PCDHGA12: variants seen among roughly 807,000 people sequenced by gnomAD.
PCDHGA12 encodes the protein protocadherin gamma-A12.
In PCDHGA12, 43 loss-of-function variants were observed where a neutral mutation model predicts 61.1. The observed-to-expected ratio is 0.70, with a 90% CI of 0.55 to 0.91. PCDHGA12 has a LOEUF of 0.91. Ranked by LOEUF, PCDHGA12 falls within the 40% of genes least tolerant of loss-of-function variation. The pLI is 0.00. For missense variants in PCDHGA12, 1,236 were observed against 1,227.7 expected, an observed-to-expected ratio of 1.01 and a Z score of -0.10; for synonymous variants, 520 against 542.9, an observed-to-expected ratio of 0.96 and a Z score of 0.59.
intron 1 of PCDHGA12, among the ~76,000 whole-genome samples, chr5:141,492,539 G>A (rs1474928199): frequency 1.3e-5 from 2 of 152,200 alleles, no homozygotes; most frequent in African/African-American, 2.4e-5. Context: ...GCCCCGGGCT[G>A]GGCCGGGTCG....
chr5:141,477,697 T>G lies in PCDHGA12; in HGVS notation c.2425-17110T>G, dbSNP rs745625196. ...TGTCATCCTTAGTGCCCCTAGACTA[T>G]GAGGATCGGCGGGAATTTGAATTAA... On this transcript the variant is annotated intron_variant, in intron 1 of 3. Coordinates refer to ENST00000252085, the MANE Select transcript of PCDHGA12 (RefSeq NM_003735.3). The surrounding 1 kb of genome is among the most constrained non-coding windows in gnomAD (Gnocchi z 4.9). 6.2e-7 allele frequency: 1 copy of G among 1,614,160 alleles called. No homozygotes were observed. Among genetic ancestry groups the G allele is most frequent in the South Asian group, 1.1e-5 (1 of 91,090 alleles).
In PCDHGA12 at chr5:141,430,843, C is replaced by T. The variant is rs1370427603; in HGVS notation, c.84C>T (p.Cys28=). 2.6e-6 allele frequency: 4 copies of T among 1,568,356 alleles called. No homozygotes were observed. The African/African-American group carries it at 4.1e-5, about 16-fold the overall frequency. Residue 28 remains cysteine (C), a synonymous_variant, in exon 1 of 4, where the codon TGC becomes TGT. Coordinates refer to ENST00000252085, the MANE Select transcript of PCDHGA12 (RefSeq NM_003735.3). ...TGGGGACTCTGTGGGAGACCGGATG[C>T]ACCCAGATACGCTATTCAGTTCCGG... The part of the protein sequence containing the change: ...ILLGTLWETG[C]TQIRYSVPEE...
chr5:141,469,410 A>G (rs2099200490), intron 1 of PCDHGA12, among the ~76,000 whole-genome samples: 1 of 152,128 alleles, frequency 6.6e-6, no homozygotes, highest in Non-Finnish European at 1.5e-5. Context: ...CCCCGTTTCT[A>G]CTAAAAATAT....
At chr5:141,478,417 C>G in intron 1 of PCDHGA12, 1 of 1,613,652 alleles carries the variant, frequency 6.2e-7, no homozygotes, top group Non-Finnish European at 8.5e-7. Context: ...CGGACTCCCG[C>G]CGCAGCGACC....
chr5:141,487,351 T>A lies in PCDHGA12; in HGVS notation c.2425-7456T>A. 6.2e-7 allele frequency: 1 copy of A among 1,614,210 alleles called. No individual in the cohort carries two copies. The highest frequency in any genetic ancestry group is 8.5e-7 in the Non-Finnish European group (1 of 1,180,038). On this transcript the variant is annotated intron_variant, in intron 1 of 3. Transcript: ENST00000252085. The surrounding 1 kb of genome is among the most constrained non-coding windows in gnomAD (Gnocchi z 5.0). ...GGGCAGCCTGTGGAGTCACATGCTT[T>A]CCTGCTGGCACCTGTGCCTGTCTCA...
rs749781059 is a variant in PCDHGA12 at position 141,477,983 on chromosome 5, C to G, written c.2425-16824C>G. On this transcript the variant is annotated intron_variant, in intron 1 of 3. Coordinates refer to ENST00000252085, the MANE Select transcript of PCDHGA12 (RefSeq NM_003735.3). This position sits in a 1 kb window ranked among gnomAD's most constrained non-coding sequence, Gnocchi z 4.9. ...TAACCAGAGCCTTTTTGCCATAGGG[C>G]TGCACACTGGTCAAATCAGTACTGC... The G allele has an allele frequency of 1.7e-5, 27 of 1,614,126 alleles. No homozygotes were observed. The highest frequency in any genetic ancestry group is 2.3e-5 in the Non-Finnish European group (27 of 1,180,024).
Position 141,490,820 on chromosome 5 carries a change from T to G in PCDHGA12, c.2425-3987T>G. On this transcript the variant is annotated intron_variant, in intron 1 of 3. Transcript: ENST00000252085. The surrounding 1 kb of genome is among the most constrained non-coding windows in gnomAD (Gnocchi z 5.4). ...CAGCGTACCTTTGACTATGAATTGC[T>G]GCAGATGCTGCAGATTGTGGTGGGG... 6.2e-7 allele frequency: 1 copy of G among 1,613,820 alleles called. No homozygotes were observed. Among genetic ancestry groups the G allele is most frequent in the Non-Finnish European group, 8.5e-7 (1 of 1,179,768 alleles).
Position 141,432,093 on chromosome 5 carries a change from CCAACGA to C in PCDHGA12, c.1339_1344del (p.Asp447_Asn448del). 1.2e-6 allele frequency: 2 copies of C among 1,614,170 alleles called. No individual in the cohort carries two copies. The highest frequency in any genetic ancestry group is 1.7e-6 in the Non-Finnish European group (2 of 1,180,046). On this transcript the variant is annotated inframe_deletion, in exon 1 of 4. Coordinates refer to ENST00000252085, the MANE Select transcript of PCDHGA12 (RefSeq NM_003735.3). The surrounding 1 kb of genome is among the most constrained non-coding windows in gnomAD (Gnocchi z 6.0). ...CATATCTCGCTGAACGTGGCAGACA[CCAACGA>C]CAACCCGCCGGTCTTCCCTCAGGCC...
chr5:141,447,433 C>G (rs756021616), intron 1 of PCDHGA12, among the ~76,000 whole-genome samples: 1 of 152,118 alleles, frequency 6.6e-6, no homozygotes. Context: ...CCACCGCACC[C>G]GGAGGAAATT....
Position 141,501,290 on chromosome 5 carries a change from TACACACACACACAC to T in PCDHGA12, c.2484-4072_2484-4059del, listed in dbSNP as rs55762287. ...GTCCAGTCTATGGGATATTCCCTTA[TACACACACACACAC>T]ACACACACACACACACACACACACA... On this transcript the variant is annotated intron_variant, in intron 2 of 3. Transcript: ENST00000252085. Among the ~76,000 whole-genome samples, 10 of 136,248 alleles carry T rather than the reference TACACACACACACAC, an allele frequency of 7.3e-5. No homozygotes were observed. In the South Asian group the frequency reaches 1.2e-3, roughly 16 times the overall value. 89.4% of individuals were successfully genotyped at this position (136,248 alleles called of 152,430 possible).
intron 1 of PCDHGA12, among the ~76,000 whole-genome samples, chr5:141,467,789 G>A (rs1264350552): frequency 6.6e-6 from 1 of 152,066 alleles, no homozygotes; most frequent in Non-Finnish European, 1.5e-5. Context: ...CTCTCAAGTA[G>A]CTGGGACTAC....
Position 141,432,804 on chromosome 5 carries a change from C to T in PCDHGA12, c.2045C>T (p.Ala682Val), listed in dbSNP as rs1482036720. The T allele has an allele frequency of 1.2e-6, 2 of 1,614,182 alleles. No individual in the cohort carries two copies. Among genetic ancestry groups the T allele is most frequent in the Non-Finnish European group, 1.7e-6 (2 of 1,180,008 alleles). ...GACCTCGGCAGCCTCGAGTCTCCAG[C>T]TAACTCTGAAACCTCAGACCTCACT... is the stretch of plus-strand genomic sequence containing the variant. ...LADLGSLESP[A>V]NSETSDLTLY... is the part of the protein sequence containing the mutation. The change falls in exon 1 of 4, where the codon GCT (alanine) becomes GTT (valine). Residue 682 changes from alanine (A) to valine (V), a missense_variant. Ala to Val is a moderately conservative substitution (Grantham distance 64). Transcript: ENST00000252085. This position sits in a 1 kb window ranked among gnomAD's most constrained non-coding sequence, Gnocchi z 6.0.
At position 141,491,150 on chromosome 5, in the gene PCDHGA12, A is replaced by G; in HGVS notation, c.2425-3657A>G. On this transcript the variant is annotated intron_variant, in intron 1 of 3. Coordinates refer to ENST00000252085, the MANE Select transcript of PCDHGA12 (RefSeq NM_003735.3). This position sits in a 1 kb window ranked among gnomAD's most constrained non-coding sequence, Gnocchi z 6.9. ...CGCACAGCCCGGGCCTTACTGGAGG[A>G]TGACTCTGACACCCAGCAGGTGGTG... is the stretch of plus-strand genomic sequence containing the variant. 1 of 1,614,122 alleles carries G rather than the reference A, an allele frequency of 6.2e-7. No individual in the cohort carries two copies. Among genetic ancestry groups the G allele is most frequent in the African/African-American group, 1.3e-5 (1 of 75,060 alleles).
Position 141,486,059 on chromosome 5 carries a change from C to A in PCDHGA12, c.2425-8748C>A. On this transcript the variant is annotated intron_variant, in intron 1 of 3. Transcript: ENST00000252085. This position sits in a 1 kb window ranked among gnomAD's most constrained non-coding sequence, Gnocchi z 5.0. ...TCGTGTAAGAAACCTCTTTAGCCTG[C>A]ACCCCACTACTGGAAAGCTTACTCT... 1 of 1,614,152 alleles carries A rather than the reference C, an allele frequency of 6.2e-7. No homozygotes were observed. Among genetic ancestry groups the A allele is most frequent in the Non-Finnish European group, 8.5e-7 (1 of 1,180,010 alleles).
At chr5:141,509,096 T>C (rs1364889034) in intron 3 of PCDHGA12, among the ~76,000 whole-genome samples, 1 of 152,124 alleles carries the variant, frequency 6.6e-6, no homozygotes, top group African/African-American at 2.4e-5. Context: ...ATGGGGGCTG[T>C]AGAAACCTGA....
At chr5:141,474,156 A>T (rs1387216017) in intron 1 of PCDHGA12, among the ~76,000 whole-genome samples, 1 of 152,244 alleles carries the variant, frequency 6.6e-6, no homozygotes, top group Non-Finnish European at 1.5e-5. Context: ...CAAGAAAATG[A>T]CAGGCCTTAT....
At chr5:141,446,288 G>C (rs1437669688) in intron 1 of PCDHGA12, among the ~76,000 whole-genome samples, 1 of 152,100 alleles carries the variant, frequency 6.6e-6, no homozygotes, top group Non-Finnish European at 1.5e-5. Flanking sequence ...GGATAAATGG[G>C]GAGCAGGGAT....
intron 3 of PCDHGA12, among the ~76,000 whole-genome samples, chr5:141,510,518 GC>G (rs2099881500): frequency 6.6e-6 from 1 of 152,112 alleles, no homozygotes; most frequent in Non-Finnish European, 1.5e-5. Context: ...CCGTGTCACA[GC>G]CCTGAGAGAA....
chr5:141,463,886 C>T (rs1327677210), intron 1 of PCDHGA12, among the ~76,000 whole-genome samples: 3 of 152,118 alleles, frequency 2.0e-5, no homozygotes, highest in African/African-American at 4.8e-5. Flanking sequence ...AAAGTTTTCA[C>T]CTTGCTTTTT....
Sources: gnomAD v4.1 joint callset for allele counts (sites outside exome capture counted in the v4.1 genomes callset) on GRCh38, gnomAD v4.1.1 for gene constraint, Gnocchi (gnomAD v3.1) non-coding constraint, MANE v1.5 for transcripts, NCBI Gene and HGNC (gene_info 2026-07-23, HGNC 2026-07-21) for gene names.